Variants in C1QTNF7 observed in about 807,000 individuals in gnomAD.
The protein encoded by C1QTNF7 is C1q and TNF related 7, also known as complement C1q tumor necrosis factor-related protein 7.
Under a neutral mutation model 19.6 loss-of-function variants are expected in C1QTNF7, and 15 were observed. That is an observed-to-expected ratio of 0.76 (90% CI 0.51 to 1.18). The LOEUF (loss-of-function observed/expected upper bound fraction) is 1.18, where lower values mean the gene tolerates loss of function less well. C1QTNF7 is among the 50% of genes most tolerant of loss of function. The probability of loss-of-function intolerance (pLI) is 0.00; values close to 1 mark genes in which losing one functional copy is unlikely to be tolerated. For missense variants in C1QTNF7, 324 were observed against 359.7 expected (o/e 0.90, Z 0.80); for synonymous variants, 142 against 137.5 (o/e 1.03, Z -0.23).
At chr4:15,414,127 C>T (rs1719504647) in intron 1 of C1QTNF7, among the ~76,000 whole-genome samples, 1 of 152,070 alleles carries the variant, frequency 6.6e-6, no homozygotes, top group South Asian at 2.1e-4. Flanking sequence ...TTCTTCAGGG[C>T]AGATAAATAG....
chr4:15,381,037 C>G (rs1187990759), intron 1 of C1QTNF7, among the ~76,000 whole-genome samples: 1 of 152,120 alleles, frequency 6.6e-6, no homozygotes, highest in African/African-American at 2.4e-5. Flanking sequence ...CCATAAATTC[C>G]TATTTCTGAA....
intron 1 of C1QTNF7, among the ~76,000 whole-genome samples, chr4:15,380,961 G>C (rs925439346): frequency 2.0e-5 from 3 of 151,970 alleles, no homozygotes; most frequent in Non-Finnish European, 2.9e-5. Flanking sequence ...AAGAAAAAAA[G>C]GTAGAGGGAG....
chr4:15,394,237 G>A (rs1017313033), intron 1 of C1QTNF7, among the ~76,000 whole-genome samples: 1 of 152,234 alleles, frequency 6.6e-6, no homozygotes, highest in Non-Finnish European at 1.5e-5. Flanking sequence ...ATGATAAGAG[G>A]AGCTGAAGTT....
Position 15,435,866 on chromosome 4 carries a change from A to C in C1QTNF7, c.123A>C (p.Gly41=). The change falls in exon 2 of 3, where the codon GGA becomes GGC. Residue 41 remains glycine (G), a synonymous_variant. Transcript: ENST00000444304. ...RYICSIPGLP[G]PPGPPGANGS... Reference sequence around the variant, plus strand: ...TCTGCAGCATTCCTGGCTTGCCTGGACCTCCAGGGCCCCCTGGAGCAAATG... The same window carrying C: ...TCTGCAGCATTCCTGGCTTGCCTGGCCCTCCAGGGCCCCCTGGAGCAAATG... 1 of 1,613,744 alleles carries C rather than the reference A, an allele frequency of 6.2e-7. No homozygotes were observed. Among genetic ancestry groups the C allele is most frequent in the Non-Finnish European group, 8.5e-7 (1 of 1,179,956 alleles).
At chr4:15,360,808 T>C (rs1717318808) in intron 1 of C1QTNF7, among the ~76,000 whole-genome samples, 2 of 152,164 alleles carry the variant, frequency 1.3e-5, no homozygotes, top group South Asian at 2.1e-4. Context: ...TAGATGAATT[T>C]GCAATTATAG....
chr4:15,364,151 T>G (rs1166140291), intron 1 of C1QTNF7, among the ~76,000 whole-genome samples: 1 of 152,248 alleles, frequency 6.6e-6, no homozygotes, highest in Non-Finnish European at 1.5e-5. Flanking sequence ...AAACCTTTTC[T>G]GTGTCATGTT....
intron 1 of C1QTNF7, among the ~76,000 whole-genome samples, chr4:15,398,201 T>A (rs1243094509): frequency 1.3e-5 from 2 of 152,188 alleles, no homozygotes; most frequent in African/African-American, 4.8e-5. Flanking sequence ...AAGGAGCTTA[T>A]AGGCCATAGC....
At chr4:15,435,436 A>G (rs1712491653) in intron 1 of C1QTNF7, among the ~76,000 whole-genome samples, 1 of 152,208 alleles carries the variant, frequency 6.6e-6, no homozygotes, top group South Asian at 2.1e-4. Flanking sequence ...AGAAAATGCC[A>G]TTTTTAAATC....
At chr4:15,396,345 G>A (rs1230360898) in intron 1 of C1QTNF7, among the ~76,000 whole-genome samples, 3 of 152,190 alleles carry the variant, frequency 2.0e-5, no homozygotes, top group Non-Finnish European at 2.9e-5. Context: ...GCAGGGGGCA[G>A]ACAGCACTGA....
At chr4:15,409,583 G>GA (rs1223546400) in intron 1 of C1QTNF7, among the ~76,000 whole-genome samples, 4 of 152,190 alleles carry the variant, frequency 2.6e-5, no homozygotes, top group African/African-American at 9.7e-5. Context: ...AATCTAGTGA[G>GA]ATGCTGTTGG....
chr4:15,353,631 G>A (rs1022839091), intron 1 of C1QTNF7, among the ~76,000 whole-genome samples: 2 of 152,144 alleles, frequency 1.3e-5, no homozygotes, highest in East Asian at 1.9e-4. Flanking sequence ...TTCTTAGTGT[G>A]CACTGTGTGT....
At chr4:15,391,950 G>A (rs554650403) in intron 1 of C1QTNF7, among the ~76,000 whole-genome samples, 8 of 152,290 alleles carry the variant, frequency 5.3e-5, no homozygotes, top group African/African-American at 1.9e-4. Context: ...AATACAGACA[G>A]GCAGTGAGAG....
chr4:15,409,835 A>G (rs144324073), intron 1 of C1QTNF7, among the ~76,000 whole-genome samples: 13 of 152,366 alleles, frequency 8.5e-5, no homozygotes, highest in African/African-American at 3.1e-4. Flanking sequence ...GACAATACAT[A>G]TAAAGCATTC....
rs1428785754 is a variant in C1QTNF7 at position 15,435,903 on chromosome 4, C to T, written c.160C>T (p.Pro54Ser). 6.2e-7 allele frequency: 1 copy of T among 1,613,946 alleles called. No homozygotes were observed. Among genetic ancestry groups the T allele is most frequent in the Admixed American group, 1.7e-5 (1 of 59,982 alleles). Residue 54 changes from proline to serine, a missense_variant, in exon 2 of 3, where the codon CCC becomes TCC. Pro to Ser is a moderately conservative substitution (Grantham distance 74). Transcript: ENST00000444304. ...CCCTGGAGCAAATGGTTCCCCTGGG[C>T]CCCATGGTCGCATCGGCCTTCCAGG... ...GPPGANGSPG[P>S]HGRIGLPGRD...
chr4:15,422,351 A>G (rs956588581), intron 1 of C1QTNF7, among the ~76,000 whole-genome samples: 2 of 152,074 alleles, frequency 1.3e-5, no homozygotes, highest in Non-Finnish European at 2.9e-5. Context: ...TGCCTATCTG[A>G]TAATTCATCC....
chr4:15,426,711 C>T (rs1270453577), upstream of C1QTNF7, among the ~76,000 whole-genome samples: 5 of 152,110 alleles, frequency 3.3e-5, no homozygotes, highest in East Asian at 9.6e-4. Flanking sequence ...TCTGAGCTCC[C>T]TGGCAGAGAC....
At chr4:15,432,521 G>A (rs1712360506) in intron 1 of C1QTNF7, among the ~76,000 whole-genome samples, 1 of 152,086 alleles carries the variant, frequency 6.6e-6, no homozygotes, top group South Asian at 2.1e-4. Context: ...TCAGCCTCTC[G>A]AGTAGCTGGA....
chr4:15,428,579 A>T (rs2108932434), intron 1 of C1QTNF7, among the ~76,000 whole-genome samples: 1 of 152,282 alleles, frequency 6.6e-6, no homozygotes, highest in Non-Finnish European at 1.5e-5. Context: ...AACACAGTGC[A>T]ATTGTGTGGC....
In C1QTNF7 at chr4:15,419,627, G is replaced by C. The variant is rs1209116935; in HGVS notation, c.14-16109G>C. ...ACTAAATAAATAATGATTTACTCTT[G>C]TTTTCCTACCTTTTCCTCCTGATAT... On this transcript the variant is annotated intron_variant, in intron 1 of 2. Transcript: ENST00000295297. 2.0e-5 allele frequency among the ~76,000 whole-genome samples: 3 copies of C among 152,050 alleles called. No individual in the cohort carries two copies. The East Asian group carries it at 5.8e-4, about 29-fold the overall frequency.
Sources: allele counts gnomAD v4.1 joint callset (sites outside exome capture counted in the v4.1 genomes callset), GRCh38; gene constraint gnomAD v4.1.1; transcripts MANE v1.5; gene names NCBI Gene and HGNC (gene_info 2026-07-23, HGNC 2026-07-21).